Variants in C2CD2 observed in about 807,000 individuals in gnomAD.
C2CD2 encodes C2 domain-containing protein 2.
C2CD2 carries 43 observed loss-of-function variants against 74.3 expected under a neutral mutation model. The ratio of observed to expected loss-of-function variants is 0.58; its 90% confidence interval spans 0.45 to 0.75. The LOEUF (loss-of-function observed/expected upper bound fraction) is 0.75, where lower values mean the gene tolerates loss of function less well. Among genes scored for constraint, C2CD2 ranks in the 30% least tolerant of loss-of-function variants. The pLI is 0.00. For synonymous variants in C2CD2, 422 were observed against 390.7 expected (o/e 1.08, Z -0.94); for missense variants, 801 against 916.3 (o/e 0.87, Z 1.63).
At chr21:41,947,310 A>G (rs1435288098) in intron 1 of C2CD2, among the ~76,000 whole-genome samples, 1 of 151,630 alleles carries the variant, frequency 6.6e-6, no homozygotes, top group African/African-American at 2.4e-5. Context: ...GGCATGCACC[A>G]CCACGCCCAG....
In C2CD2 at chr21:41,945,185, C is replaced by A. The variant is rs1391761528; in HGVS notation, c.280-2940G>T. On this transcript the variant is annotated intron_variant, in intron 1 of 13. Coordinates refer to ENST00000380486, the MANE Select transcript of C2CD2 (RefSeq NM_015500.2). The surrounding 1 kb of genome is among the most constrained non-coding windows in gnomAD (Gnocchi z 4.2). ...AGTTAAGAATAAGAAAGTGAAAAAA[C>A]TAAAATGAACTCTGTACCGTTGGAC... is the stretch of plus-strand genomic sequence containing the variant. 6.6e-6 allele frequency among the ~76,000 whole-genome samples: 1 copy of A among 152,142 alleles called. No homozygotes were observed. Among genetic ancestry groups the A allele is most frequent in the African/African-American group, 2.4e-5 (1 of 41,436 alleles).
Position 41,885,395 on chromosome 21 carries a change from A to G in C2CD2, c.*3729T>C, listed in dbSNP as rs1569047010. ...AGTAAACAACAAACCACAAGCCTAAATGATGAATGGTGCGCTGCTGCCCAG... is the reference window on the plus strand; with the variant it reads ...AGTAAACAACAAACCACAAGCCTAAGTGATGAATGGTGCGCTGCTGCCCAG... On this transcript the variant is annotated 3_prime_UTR_variant, in exon 14 of 14. Coordinates refer to ENST00000380486, the MANE Select transcript of C2CD2 (RefSeq NM_015500.2). 1 of 152,666 alleles carries G rather than the reference A, an allele frequency of 6.6e-6. No individual in the cohort carries two copies. The highest frequency in any genetic ancestry group is 1.5e-5 in the Non-Finnish European group (1 of 68,042). The allele number at this position is 152,666 out of a possible 1,614,324, so 9.5% of individuals were successfully genotyped here.
intron 2 of C2CD2, among the ~76,000 whole-genome samples, chr21:41,934,578 C>T (rs1031527673): frequency 5.3e-5 from 8 of 152,144 alleles, no homozygotes; most frequent in Non-Finnish European, 1.0e-4. Context: ...TCTCAAGTAC[C>T]TCTACTCTTC....
intron 2 of C2CD2, among the ~76,000 whole-genome samples, chr21:41,940,625 A>C (rs766808896): frequency 6.6e-6 from 1 of 152,268 alleles, no homozygotes; most frequent in Non-Finnish European, 1.5e-5. Flanking sequence ...GCCCAACTTT[A>C]CAAGAACAGT....
chr21:41,918,971 A>G lies in C2CD2; in HGVS notation c.493-11T>C. 1 of 1,599,962 alleles carries G rather than the reference A, an allele frequency of 6.3e-7. No homozygotes were observed. Among genetic ancestry groups the G allele is most frequent in the African/African-American group, 1.3e-5 (1 of 74,830 alleles). ...CATGTGGAACTCCAGCTATTAAAAA[A>G]CAAGTTATTAGAGGGCCACTCTTTC... On this transcript the variant is annotated splice_polypyrimidine_tract_variant and intron_variant, in intron 3 of 13. Transcript: ENST00000380486.
Position 41,919,044 on chromosome 21 carries a change from ATG to A in C2CD2, c.493-86_493-85del, listed in dbSNP as rs561885397. 3.5e-4 allele frequency: 330 copies of A among 939,208 alleles called. 8 individuals are homozygous for A. In the Middle Eastern group the frequency reaches 0.01, roughly 29 times the overall value. The allele number at this position is 939,208 out of a possible 1,614,324, so 58.2% of individuals were successfully genotyped here. On this transcript the variant is annotated intron_variant, in intron 3 of 13. Transcript: ENST00000380486. ...TGCGTGTGCATGTGACTGTGTGAGC[ATG>A]TGTGTGTGCATATATGCATGTGAGC...
intron 11 of C2CD2, 59 bp downstream of exon 11, chr21:41,905,665 A>G: frequency 1.1e-6 from 1 of 881,348 alleles, no homozygotes; most frequent in Non-Finnish European, 1.8e-6. Context: ...TCATATCAGA[A>G]CAGCCCAAAA....
At chr21:41,894,720 T>G in intron 13 of C2CD2, 1 of 456,836 alleles carries the variant, frequency 2.2e-6, no homozygotes, top group Non-Finnish European at 4.4e-6. Flanking sequence ...CAGAGGCCAT[T>G]CCATTCCCTT....
chr21:41,950,972 C>G (rs2065445541), intron 1 of C2CD2, among the ~76,000 whole-genome samples: 1 of 152,116 alleles, frequency 6.6e-6, no homozygotes, highest in African/African-American at 2.4e-5. Context: ...GGAGGGGGAG[C>G]ACTAAGCTGT....
intron 2 of C2CD2, 79 bp from the exon 3 acceptor site, chr21:41,922,164 T>A: frequency 3.3e-6 from 1 of 301,676 alleles, no homozygotes; most frequent in African/African-American, 2.3e-5. Flanking sequence ...CTTCTTCTTC[T>A]TTTTTTTTTT....
In C2CD2 at chr21:41,886,405, A is replaced by G. The variant is rs551583232; in HGVS notation, c.*2719T>C. On this transcript the variant is annotated 3_prime_UTR_variant, in exon 14 of 14. Transcript: ENST00000380486. Reference sequence around the variant, plus strand: ...ACACCATGAAAAAACAAACCTGTATAAAACAGCTTGGAAAACAAACATTCA... The same window carrying G: ...ACACCATGAAAAAACAAACCTGTATGAAACAGCTTGGAAAACAAACATTCA... 6.6e-6 allele frequency: 1 copy of G among 152,390 alleles called. No individual in the cohort carries two copies. The highest frequency in any genetic ancestry group is 1.5e-5 in the Non-Finnish European group (1 of 68,042). The allele number at this position is 152,390 out of a possible 1,614,324, so 9.4% of individuals were successfully genotyped here. A position where few individuals can be genotyped will look rare whatever the true frequency, so the allele number is the denominator to read the frequency against.
In C2CD2 at chr21:41,892,943, G is replaced by A. The variant is rs1368551993; in HGVS notation, c.1871-3599C>T. ...GCCCGGTGCCACGCCAGAGACGCGC[G>A]GTGCGCCCAGGTTAAGAGGGAAATG... On this transcript the variant is annotated intron_variant, in intron 13 of 13. Transcript: ENST00000380486. This position sits in a 1 kb window ranked among gnomAD's most constrained non-coding sequence, Gnocchi z 4.6. Among the ~76,000 whole-genome samples the A allele has an allele frequency of 3.9e-5, 6 of 152,354 alleles. No homozygotes were observed. The highest frequency in any genetic ancestry group is 1.9e-4 in the East Asian group (1 of 5,176).
At chr21:41,917,112 C>G (rs771107803) in intron 5 of C2CD2, among the ~76,000 whole-genome samples, 1 of 152,194 alleles carries the variant, frequency 6.6e-6, no homozygotes. Flanking sequence ...GCCCGGTGCC[C>G]CTTCTGCATA....
At chr21:41,931,056 G>T (rs2035883520) in intron 2 of C2CD2, among the ~76,000 whole-genome samples, 1 of 150,554 alleles carries the variant, frequency 6.6e-6, no homozygotes, top group African/African-American at 2.4e-5. Flanking sequence ...GTAGAAACTT[G>T]TTACTCTTGT....
At chr21:41,896,810 AC>A (rs1396268081) in intron 13 of C2CD2, among the ~76,000 whole-genome samples, 1 of 151,834 alleles carries the variant, frequency 6.6e-6, no homozygotes. Flanking sequence ...ATGACTTGGC[AC>A]CCATAACACA....
At chr21:41,928,052 C>G (rs2065230551) in intron 2 of C2CD2, among the ~76,000 whole-genome samples, 1 of 152,204 alleles carries the variant, frequency 6.6e-6, no homozygotes, top group South Asian at 2.1e-4. Flanking sequence ...ACAGAAAGAT[C>G]TGTTTGTGAA....
In C2CD2 at chr21:41,889,300, G is replaced by A; in HGVS notation, c.1915C>T (p.His639Tyr). ...KGAKLFFRRR[H>Y]QQKDPGMSQS... ...CTCATGCCTGGGTCTTTCTGTTGAT[G>A]CCGCCGGCGGAAGAACAGCTTTGCA... Residue 639 changes from histidine to tyrosine, a missense_variant, in exon 14 of 14, where the codon CAT becomes TAT. Physicochemically the swap from His to Tyr is moderately conservative, Grantham distance 83. Transcript: ENST00000380486. 5 of 1,614,104 alleles carry A rather than the reference G, an allele frequency of 3.1e-6. No individual in the cohort carries two copies. The highest frequency in any genetic ancestry group is 4.2e-6 in the Non-Finnish European group (5 of 1,180,010).
At chr21:41,904,871 G>C (rs982602961) in intron 11 of C2CD2, among the ~76,000 whole-genome samples, 4 of 152,212 alleles carry the variant, frequency 2.6e-5, no homozygotes, top group African/African-American at 9.6e-5. Context: ...GGCAAAGGGA[G>C]AAAGTTAATC....
rs1454806138 is a variant in C2CD2, at chr21:41,916,684, CACACACACACACACACACACA to C, written c.720+1400_720+1420del. Among the ~76,000 whole-genome samples the C allele has an allele frequency of 5.5e-4, 83 of 150,224 alleles. 1 individual carries two copies. The highest frequency in any genetic ancestry group is 1.9e-3 in the African/African-American group (75 of 39,874). On this transcript the variant is annotated intron_variant, in intron 5 of 13. Coordinates refer to ENST00000380486, the MANE Select transcript of C2CD2 (RefSeq NM_015500.2). ...CTGATTACACACACACACACACACACACACACACACACACACACACACTCCCATTGGTTCTGTTTCTCTGGA... is the reference window on the plus strand; with the variant it reads ...CTGATTACACACACACACACACACACCTCCCATTGGTTCTGTTTCTCTGGA...
Sources: gnomAD v4.1 joint callset for allele counts (sites outside exome capture counted in the v4.1 genomes callset) on GRCh38, gnomAD v4.1.1 for gene constraint, Gnocchi (gnomAD v3.1) non-coding constraint, MANE v1.5 for transcripts, NCBI Gene and HGNC (gene_info 2026-07-23, HGNC 2026-07-21) for gene names.